The following ZNF768 variants were observed in gnomAD, a reference collection of about 807,000 sequenced individuals.
ZNF768 encodes the protein zinc finger protein 768.
A neutral mutation model predicts 39.7 loss-of-function variants in ZNF768; 12 were observed. The observed-to-expected ratio is 0.30, with a 90% CI of 0.19 to 0.49. The LOEUF (loss-of-function observed/expected upper bound fraction) is 0.49. Ranked by LOEUF, ZNF768 falls within the 20% of genes least tolerant of loss-of-function variation. The probability of loss-of-function intolerance (pLI) is 0.99; values close to 1 mark genes in which losing one functional copy is unlikely to be tolerated. For synonymous variants in ZNF768, 360 were observed against 288.4 expected, an observed-to-expected ratio of 1.25 and a Z score of -2.52; for missense variants, 613 against 723.2, an observed-to-expected ratio of 0.85 and a Z score of 1.75.
chr16:30,525,756 A>G lies in ZNF768; in HGVS notation c.384T>C (p.Tyr128=). Residue 128 remains tyrosine (Y), a synonymous_variant, in exon 2 of 2, where the codon TAT becomes TAC. Transcript: ENST00000380412. The part of the protein sequence containing the change: ...SPRYEPQSPG[Y]EPRSPGYEPR... ...GTTCATACCCGGGGCTCCGAGGTTC[A>G]TAGCCAGGGCTTTGGGGTTCATACC... 6.2e-7 allele frequency: 1 copy of G among 1,601,398 alleles called. No individual in the cohort carries two copies. Among genetic ancestry groups the G allele is most frequent in the Non-Finnish European group, 8.5e-7 (1 of 1,174,986 alleles).
At position 30,524,869 on chromosome 16, in the gene ZNF768, G is replaced by T. The variant is rs1202520899; in HGVS notation, c.1271C>A (p.Ala424Asp). 5.0e-6 allele frequency: 8 copies of T among 1,611,128 alleles called. No individual in the cohort carries two copies. In the African/African-American group the frequency reaches 1.1e-4, roughly 22 times the overall value. ...SALIPHARSHAREKPFKCPEC... is the reference protein window; with the variant it reads ...SALIPHARSHDREKPFKCPEC... ...AGGGCACTTGAAGGGCTTCTCCCGG[G>T]CGTGGCTGCGGGCATGGGGGATAAG... Residue 424 changes from alanine (A) to aspartate (D), a missense_variant, in exon 2 of 2, where the codon GCC becomes GAC. Transcript: ENST00000380412.
At chr16:30,529,821 G>GTTTTT (rs1272934657), upstream of ZNF768, among the ~76,000 whole-genome samples, 3 of 132,742 alleles carry the variant, frequency 2.3e-5, no homozygotes, top group African/African-American at 8.6e-5. Flanking sequence ...GGAGTAGCTA[G>GTTTTT]TTTTTTTTTT....
At chr16:30,529,330 G>T (rs576930936), upstream of ZNF768, among the ~76,000 whole-genome samples, 1 of 152,370 alleles carries the variant, frequency 6.6e-6, no homozygotes, top group East Asian at 1.9e-4. Flanking sequence ...TGAGTCAGGT[G>T]GTCACTTTGT....
upstream of ZNF768, chr16:30,527,434 G>C: frequency 1.6e-6 from 1 of 613,492 alleles, no homozygotes; most frequent in South Asian, 7.1e-5. Context: ...GTTGGCCGAT[G>C]GGGCTCGTGC....
In ZNF768 at chr16:30,525,828, G is replaced by A. The variant is rs772217378; in HGVS notation, c.312C>T (p.Ser104=). Residue 104 remains serine (S), a synonymous_variant, in exon 2 of 2, where the codon AGC becomes AGT. Coordinates refer to ENST00000380412, the MANE Select transcript of ZNF768 (RefSeq NM_024671.4). The part of the protein sequence containing the change: ...VPPSPEFAPR[S]PESDSQSPEF... ...CAGGGCTCTGAGAATCTGATTCAGG[G>A]CTTCTGGGTGCAAACTCAGGGCTTG... 2 of 1,534,938 alleles carry A rather than the reference G, an allele frequency of 1.3e-6. No individual in the cohort carries two copies. Among genetic ancestry groups the A allele is most frequent in the East Asian group, 4.5e-5 (2 of 44,350 alleles).
At position 30,524,529 on chromosome 16, in the gene ZNF768, C is replaced by T. The variant is rs1310731267; in HGVS notation, c.1611G>A (p.Ala537=). 6.2e-7 allele frequency: 1 copy of T among 1,608,078 alleles called. No homozygotes were observed. Among genetic ancestry groups the T allele is most frequent in the East Asian group, 2.2e-5 (1 of 44,848 alleles). ...CTGGGGCCCCAGGTCAGCGCCGGCCCGCCGCGTGGGTCCGCTGGTGGCGGA... is the reference window on the plus strand; with the variant it reads ...CTGGGGCCCCAGGTCAGCGCCGGCCTGCCGCGTGGGTCCGCTGGTGGCGGA... ...DLIRHQRTHA[A]GRR Residue 537 remains alanine, a synonymous_variant, in exon 2 of 2, where the codon GCG becomes GCA. Coordinates refer to ENST00000380412, the MANE Select transcript of ZNF768 (RefSeq NM_024671.4).
At position 30,524,711 on chromosome 16, in the gene ZNF768, G is replaced by A. The variant is rs774496736; in HGVS notation, c.1429C>T (p.Arg477Cys). ...TAGGGCCGCTCGCCCGTGTGGGAGCGCTGGTGCTGGATGAGAGTGGAGGAG... is the reference window on the plus strand; with the variant it reads ...TAGGGCCGCTCGCCCGTGTGGGAGCACTGGTGCTGGATGAGAGTGGAGGAG... Reference protein sequence around the residue: ...NRSSTLIQHQRSHTGERPYRC... With the variant: ...NRSSTLIQHQCSHTGERPYRC... Residue 477 changes from arginine (R) to cysteine (C), a missense_variant, in exon 2 of 2, where the codon CGC becomes TGC. Arg to Cys is a radical substitution (Grantham distance 180, BLOSUM62 -3). Transcript: ENST00000380412. 2 of 1,613,054 alleles carry A rather than the reference G, an allele frequency of 1.2e-6. No homozygotes were observed. The highest frequency in any genetic ancestry group is 8.5e-7 in the Non-Finnish European group (1 of 1,179,674).
upstream of ZNF768, chr16:30,527,345 A>T (rs371326886): frequency 1.2e-4 from 120 of 978,968 alleles, 3 homozygotes; most frequent in East Asian, 4.4e-3. Flanking sequence ...TCCCTCCTCG[A>T]GGGCTAGGAT....
chr16:30,524,776 C>G lies in ZNF768; in HGVS notation c.1364G>C (p.Arg455Pro). Residue 455 changes from arginine to proline, a missense_variant, in exon 2 of 2, where the codon CGC becomes CCC. Physicochemically the swap from Arg to Pro is moderately radical, Grantham distance 103 (BLOSUM62 -2). Coordinates refer to ENST00000380412, the MANE Select transcript of ZNF768 (RefSeq NM_024671.4). ...GCCGCAGTCGGGGCAGCTGTAGGTG[C>G]GGCCTGGCAGGTGGGTGCGGGCGTG... The part of the protein sequence containing the change: ...AIHARTHLPG[R>P]TYSCPDCGKT... The G allele has an allele frequency of 1.9e-6, 3 of 1,611,538 alleles. No individual in the cohort carries two copies. The highest frequency in any genetic ancestry group is 2.5e-6 in the Non-Finnish European group (3 of 1,179,504).
In ZNF768 at chr16:30,524,710, C is replaced by T. The variant is rs1198730977; in HGVS notation, c.1430G>A (p.Arg477His). The T allele has an allele frequency of 6.2e-7, 1 of 1,613,092 alleles. No individual in the cohort carries two copies. The highest frequency in any genetic ancestry group is 8.5e-7 in the Non-Finnish European group (1 of 1,179,674). Residue 477 changes from arginine (R) to histidine (H), a missense_variant, in exon 2 of 2, where the codon CGC becomes CAC. This residue lies in a region of ZNF768 where 204 missense variants were observed against 281.7 expected (regional missense o/e 0.72). Transcript: ENST00000380412. ...NRSSTLIQHQ[R>H]SHTGERPYRC... ...GTAGGGCCGCTCGCCCGTGTGGGAG[C>T]GCTGGTGCTGGATGAGAGTGGAGGA...
At chr16:30,532,318 GGGCAGCGGGGAGCAAGGTGCT>G in the ZNF768 span, 5 of 706,950 alleles carry the variant, frequency 7.1e-6, no homozygotes, top group Non-Finnish European at 1.2e-5. Context: ...GGAGAGCCCA[GGGCAGCGGGGAGCAAGGTGCT>G]GGCAGAAGAG....
chr16:30,529,815 T>C (rs1260298259), upstream of ZNF768, among the ~76,000 whole-genome samples: 1 of 149,802 alleles, frequency 6.7e-6, no homozygotes, highest in Non-Finnish European at 1.5e-5. Context: ...GCCCAGGGAG[T>C]AGCTAGTTTT....
chr16:30,524,322 C>A lies in ZNF768; in HGVS notation c.*195G>T. The A allele has an allele frequency of 1.1e-6, 1 of 915,000 alleles. No homozygotes were observed. The highest frequency in any genetic ancestry group is 1.6e-6 in the Non-Finnish European group (1 of 636,460). 56.7% of individuals were successfully genotyped at this position (915,000 alleles called of 1,614,324 possible). A position where few individuals can be genotyped will look rare whatever the true frequency, so the allele number is the denominator to read the frequency against. ...CCATTTCTCCCAGGGCCTCCCGCTG[C>A]CGGCCTGGCCTCCCTCCAACCCACT... On this transcript the variant is annotated 3_prime_UTR_variant, in exon 2 of 2. Coordinates refer to ENST00000380412, the MANE Select transcript of ZNF768 (RefSeq NM_024671.4).
upstream of ZNF768, chr16:30,526,796 C>A: frequency 1.7e-6 from 1 of 593,330 alleles, no homozygotes; most frequent in Non-Finnish European, 2.1e-6. Flanking sequence ...GCCCAGCACC[C>A]CCCCACCCTC....
At chr16:30,526,722 G>A, upstream of ZNF768, 3 of 345,244 alleles carry the variant, frequency 8.7e-6, no homozygotes, top group Non-Finnish European at 1.1e-5. Context: ...CCCGGCCCCC[G>A]CTCCCGCCCG....
At chr16:30,532,400 G>C in the ZNF768 span, 1 of 1,363,616 alleles carries the variant, frequency 7.3e-7, no homozygotes, top group African/African-American at 1.4e-5. Context: ...CAGCTCTTGC[G>C]GTGGATTCTG....
Position 30,525,367 on chromosome 16 carries a change from G to A in ZNF768, c.773C>T (p.Pro258Leu). ...GCAGATGCCACAGATGTTAGGCCGAGGGCCCTGCCCACCCCTGGCCCGGCC... is the reference window on the plus strand; with the variant it reads ...GCAGATGCCACAGATGTTAGGCCGAAGGCCCTGCCCACCCCTGGCCCGGCC... ...RGGRARGGQG[P>L]RPNICGICGK... Residue 258 changes from proline (P) to leucine (L), a missense_variant, in exon 2 of 2, where the codon CCT (proline) becomes CTT (leucine). By Grantham distance (98) the Pro-to-Leu change is moderately conservative (BLOSUM62 -3). Coordinates refer to ENST00000380412, the MANE Select transcript of ZNF768 (RefSeq NM_024671.4). The A allele has an allele frequency of 6.2e-7, 1 of 1,614,112 alleles. No individual in the cohort carries two copies. The highest frequency in any genetic ancestry group is 2.2e-5 in the East Asian group (1 of 44,878).
upstream of ZNF768, among the ~76,000 whole-genome samples, chr16:30,528,478 C>T (rs939022860): frequency 9.9e-5 from 15 of 152,100 alleles, no homozygotes; most frequent in Admixed American, 3.9e-4. Flanking sequence ...CACTTGAACC[C>T]GGGAGGCGGA....
chr16:30,525,246 G>C lies in ZNF768; in HGVS notation c.894C>G (p.Phe298Leu). ...GTTTGATGAGGTCAGAGCTCTGGGA[G>C]AAGGCCTTGCTGCAGACCTCACATT... The part of the protein sequence containing the change: ...PYKCEVCSKA[F>L]SQSSDLIKHQ... The change falls in exon 2 of 2, where the codon TTC becomes TTG. Residue 298 changes from phenylalanine (F) to leucine (L), a missense_variant. Coordinates refer to ENST00000380412, the MANE Select transcript of ZNF768 (RefSeq NM_024671.4). The C allele has an allele frequency of 1.2e-6, 2 of 1,614,226 alleles. No homozygotes were observed. The highest frequency in any genetic ancestry group is 1.7e-6 in the Non-Finnish European group (2 of 1,180,030).
Sources: gnomAD v4.1 joint callset for allele counts (sites outside exome capture counted in the v4.1 genomes callset) on GRCh38, gnomAD v4.1.1 for gene constraint, gnomAD v4.1.1 regional missense constraint, MANE v1.5 for transcripts, NCBI Gene and HGNC (gene_info 2026-07-23, HGNC 2026-07-21) for gene names.